The following WIPF1 variants were observed in gnomAD, a reference collection of about 807,000 sequenced individuals.
WIPF1 encodes WAS/WASL interacting protein family member 1.
A neutral mutation model predicts 35.4 loss-of-function variants in WIPF1; 13 were observed. That is an observed-to-expected ratio of 0.37 (90% CI 0.24 to 0.58). The LOEUF (loss-of-function observed/expected upper bound fraction) is 0.58, where lower values mean the gene tolerates loss of function less well. Among genes scored for constraint, WIPF1 ranks in the 20% least tolerant of loss-of-function variants. The pLI is 0.74. For synonymous variants in WIPF1, 267 were observed against 266.3 expected, an observed-to-expected ratio of 1.00 and a Z score of -0.02; for missense variants, 591 against 667.0, an observed-to-expected ratio of 0.89 and a Z score of 1.25.
rs1684513221 is a variant in WIPF1, at chr2:174,562,531, G to A, written c.*16C>T. ...GAAGCAGCTCTTGAGCTTGGGTAGA[G>A]AAGAGCAGGCAAAGATCACCTCGGG... On this transcript the variant is annotated 3_prime_UTR_variant, in exon 8 of 8. Transcript: ENST00000679041. 1.2e-6 allele frequency: 2 copies of A among 1,614,220 alleles called. No homozygotes were observed. The highest frequency in any genetic ancestry group is 1.7e-6 in the Non-Finnish European group (2 of 1,180,028).
intron 1 of WIPF1, among the ~76,000 whole-genome samples, chr2:174,623,192 T>C (rs1016361425): frequency 2.0e-5 from 3 of 152,230 alleles, no homozygotes; most frequent in African/African-American, 7.2e-5. Context: ...AGTTAGTCTA[T>C]TGTTGTGTAA....
At chr2:174,669,020 T>C (rs1687951562) in intron 1 of WIPF1, among the ~76,000 whole-genome samples, 1 of 152,212 alleles carries the variant, frequency 6.6e-6, no homozygotes, top group Admixed American at 6.5e-5. Context: ...CCTTAGAGGG[T>C]GGTTACATGG....
chr2:174,648,588 T>C (rs915165960), intron 1 of WIPF1, among the ~76,000 whole-genome samples: 12 of 152,356 alleles, frequency 7.9e-5, no homozygotes, highest in Admixed American at 6.5e-4. Context: ...TAATAAACTC[T>C]ACTTCTTTTA....
intron 1 of WIPF1, among the ~76,000 whole-genome samples, chr2:174,678,542 G>T (rs1688182273): frequency 6.6e-6 from 1 of 152,226 alleles, no homozygotes; most frequent in African/African-American, 2.4e-5. Context: ...CCATGGCGTG[G>T]GTGCTGTAGT....
At chr2:174,582,870 T>G (rs1363331015) in intron 2 of WIPF1, among the ~76,000 whole-genome samples, 2 of 152,244 alleles carry the variant, frequency 1.3e-5, no homozygotes, top group South Asian at 4.1e-4. Flanking sequence ...TAATAATAGT[T>G]AACATATACT....
intron 1 of WIPF1, among the ~76,000 whole-genome samples, chr2:174,677,436 G>C (rs529492551): frequency 6.6e-6 from 1 of 152,232 alleles, no homozygotes; most frequent in Non-Finnish European, 1.5e-5. Context: ...CAAGGAAGAA[G>C]AGATGCCTGC....
At chr2:174,589,300 G>T (rs577586572) in intron 1 of WIPF1, among the ~76,000 whole-genome samples, 1 of 152,232 alleles carries the variant, frequency 6.6e-6, no homozygotes, top group South Asian at 2.1e-4. Flanking sequence ...CAAGCCGAGT[G>T]CTTGCCACTT....
intron 1 of WIPF1, among the ~76,000 whole-genome samples, chr2:174,640,501 A>C (rs1212682274): frequency 6.6e-6 from 1 of 151,618 alleles, no homozygotes; most frequent in African/African-American, 2.4e-5. Flanking sequence ...AAGTACAATA[A>C]AAATAAAATT....
At chr2:174,594,674 GTTTCTCTCTCTCTC>G (rs1414263114) in intron 1 of WIPF1, among the ~76,000 whole-genome samples, 2 of 76,980 alleles carry the variant, frequency 2.6e-5, no homozygotes, top group Non-Finnish European at 6.7e-5. Context: ...ATGTGCCACT[GTTTCTCTCTCTCTC>G]TTTCTCTCTC....
chr2:174,656,818 A>G (rs1179468169), intron 1 of WIPF1, among the ~76,000 whole-genome samples: 1 of 152,240 alleles, frequency 6.6e-6, no homozygotes, highest in East Asian at 1.9e-4. Context: ...ACTGGGCACC[A>G]AATGTTCAGT....
At chr2:174,594,536 T>G (rs1390018643) in intron 1 of WIPF1, among the ~76,000 whole-genome samples, 2 of 152,166 alleles carry the variant, frequency 1.3e-5, no homozygotes, top group African/African-American at 4.8e-5. Flanking sequence ...AACATTTTTA[T>G]TTTATCCATA....
intron 7 of WIPF1, chr2:174,566,811 G>T (rs1011254052): frequency 5.3e-6 from 2 of 374,918 alleles, no homozygotes; most frequent in Non-Finnish European, 9.6e-6. Context: ...GTCCAAAGAA[G>T]TAAAATAATA....
rs1326102378 is a variant in WIPF1, at chr2:174,590,984, G to A, written c.-38-5373C>T. Among the ~76,000 whole-genome samples, 1 of 152,126 alleles carries A rather than the reference G, an allele frequency of 6.6e-6. No homozygotes were observed. Among genetic ancestry groups the A allele is most frequent in the Non-Finnish European group, 1.5e-5 (1 of 68,026 alleles). ...GATATGCTGAATTCCTGACCCTCAG[G>A]ACCTCAGAAGGCAACTGTATTTGGA... On this transcript the variant is annotated intron_variant, in intron 1 of 7. Transcript: ENST00000679041. The surrounding 1 kb of genome is among the most constrained non-coding windows in gnomAD (Gnocchi z 4.6).
chr2:174,604,895 G>T (rs1686110957), intron 1 of WIPF1, among the ~76,000 whole-genome samples: 1 of 152,218 alleles, frequency 6.6e-6, no homozygotes, highest in Non-Finnish European at 1.5e-5. Flanking sequence ...AAAGTGACCA[G>T]CCCTGGCTAA....
At chr2:174,650,855 A>G (rs1259866318) in intron 1 of WIPF1, among the ~76,000 whole-genome samples, 1 of 152,238 alleles carries the variant, frequency 6.6e-6, no homozygotes, top group Non-Finnish European at 1.5e-5. Context: ...TGTGATCACC[A>G]CACAGCTTGG....
chr2:174,611,384 C>CA (rs1280255010), intron 1 of WIPF1, among the ~76,000 whole-genome samples: 1 of 152,006 alleles, frequency 6.6e-6, no homozygotes, highest in African/African-American at 2.4e-5. Context: ...CAAAAACAAA[C>CA]AAACAAAAAA....
At position 174,585,605 on chromosome 2, in the gene WIPF1, G is replaced by A; in HGVS notation, c.-32C>T. The A allele has an allele frequency of 6.2e-7, 1 of 1,606,566 alleles. No individual in the cohort carries two copies. Among genetic ancestry groups the A allele is most frequent in the Non-Finnish European group, 8.5e-7 (1 of 1,174,560 alleles). ...CAGTTATGCGTTCAACAGTCTTGCTGATAAATCTGGAAAAACAAGAATGCG... is the reference window on the plus strand; with the variant it reads ...CAGTTATGCGTTCAACAGTCTTGCTAATAAATCTGGAAAAACAAGAATGCG... On this transcript the variant is annotated 5_prime_UTR_variant, in exon 2 of 8. The change creates a premature stop within an existing upstream ORF in the 5' untranslated region. Coordinates refer to ENST00000679041, the MANE Select transcript of WIPF1 (RefSeq NM_001375834.1).
rs1684824028 is a variant in WIPF1 at position 174,571,308 on chromosome 2, T to A, written c.1129+368A>T. On this transcript the variant is annotated intron_variant, in intron 5 of 7. Coordinates refer to ENST00000679041, the MANE Select transcript of WIPF1 (RefSeq NM_001375834.1). This position sits in a 1 kb window ranked among gnomAD's most constrained non-coding sequence, Gnocchi z 4.6. ...AATAACAGAGCCCTCCTGCGGGAGGTGGGGACTTATTTTCCCAATTAAGAC... is the reference window on the plus strand; with the variant it reads ...AATAACAGAGCCCTCCTGCGGGAGGAGGGGACTTATTTTCCCAATTAAGAC... 1 of 495,198 alleles carries A rather than the reference T, an allele frequency of 2.0e-6. No homozygotes were observed. The highest frequency in any genetic ancestry group is 2.0e-5 in the African/African-American group (1 of 50,904). 30.7% of individuals were successfully genotyped at this position (495,198 alleles called of 1,614,324 possible).
chr2:174,567,917 G>A lies in WIPF1; in HGVS notation c.1286C>T (p.Pro429Leu). 4 of 1,612,924 alleles carry A rather than the reference G, an allele frequency of 2.5e-6. No homozygotes were observed. Among genetic ancestry groups the A allele is most frequent in the Non-Finnish European group, 3.4e-6 (4 of 1,179,404 alleles). ...PPDRPSAGAP[P>L]PPPPSTSIRN... ...AATAGATGTTGATGGTGGAGGTGGG[G>A]GAGGTGCCCCAGCACTGGGCCTATC... Residue 429 changes from proline (P) to leucine (L), a missense_variant, in exon 6 of 8, where the codon CCC (proline) becomes CTC (leucine). Around this residue, in one of 3 missense-constraint regions of WIPF1, gnomAD observed 117 missense variants for 149.6 expected, o/e 0.78. Transcript: ENST00000679041.
Sources: gnomAD v4.1 joint callset for allele counts (sites outside exome capture counted in the v4.1 genomes callset) on GRCh38, gnomAD v4.1.1 for gene constraint, gnomAD v4.1.1 regional missense constraint, Gnocchi (gnomAD v3.1) non-coding constraint, MANE v1.5 for transcripts, NCBI Gene and HGNC (gene_info 2026-07-23, HGNC 2026-07-21) for gene names.